CCDC60: variants seen among roughly 807,000 people sequenced by gnomAD.
The protein encoded by CCDC60 is coiled-coil domain containing 60, also known as coiled-coil domain-containing protein 60.
Under a neutral mutation model 63.5 loss-of-function variants are expected in CCDC60, and 54 were observed. The ratio of observed to expected loss-of-function variants is 0.85; its 90% CI spans 0.68 to 1.07. The LOEUF (loss-of-function observed/expected upper bound fraction) is 1.07. CCDC60 is among the 50% of genes least tolerant of loss of function. The probability of loss-of-function intolerance (pLI) is 0.00; values close to 1 mark genes in which losing one functional copy is unlikely to be tolerated. For missense variants in CCDC60, 651 were observed against 684.3 expected, an observed-to-expected ratio of 0.95 and a Z score of 0.54; for synonymous variants, 206 against 238.8, an observed-to-expected ratio of 0.86 and a Z score of 1.27.
chr12:119,412,163 C>T (rs1222843727), intron 1 of CCDC60, among the ~76,000 whole-genome samples: 1 of 152,142 alleles, frequency 6.6e-6, no homozygotes, highest in African/African-American at 2.4e-5. Context: ...CACACTAAAG[C>T]TCAGCCCAAG....
chr12:119,483,378 C>T (rs1052793119), intron 4 of CCDC60, among the ~76,000 whole-genome samples: 2 of 152,214 alleles, frequency 1.3e-5, no homozygotes, highest in African/African-American at 4.8e-5. Flanking sequence ...AATTCCAAAT[C>T]GACTGTGTAG....
chr12:119,413,696 C>T (rs1026196522), intron 1 of CCDC60, among the ~76,000 whole-genome samples: 2 of 152,090 alleles, frequency 1.3e-5, no homozygotes, highest in African/African-American at 4.8e-5. Flanking sequence ...TCGGGTCACG[C>T]AGGTGTGGTG....
chr12:119,479,674 G>A (rs1285207450), intron 4 of CCDC60: 2 of 152,964 alleles, frequency 1.3e-5, no homozygotes, highest in Admixed American at 6.5e-5. Context: ...AAGTCTTGAT[G>A]TCTTGTTCCC....
chr12:119,364,001 A>G (rs1357415652), intron 1 of CCDC60, among the ~76,000 whole-genome samples: 3 of 152,118 alleles, frequency 2.0e-5, no homozygotes, highest in South Asian at 4.1e-4. Flanking sequence ...TTTTGCTTCC[A>G]TGGCTCTCCA....
chr12:119,415,707 T>C (rs1956686886), intron 1 of CCDC60, among the ~76,000 whole-genome samples: 1 of 152,152 alleles, frequency 6.6e-6, no homozygotes, highest in African/African-American at 2.4e-5. Context: ...GGAAGCAAAG[T>C]CAACAACTTG....
rs1956800502 is a variant in CCDC60, at chr12:119,420,923, T to A, written c.91-7760T>A. Among the ~76,000 whole-genome samples, 1 of 152,108 alleles carries A rather than the reference T, an allele frequency of 6.6e-6. No homozygotes were observed. Among genetic ancestry groups the A allele is most frequent in the African/African-American group, 2.4e-5 (1 of 41,346 alleles). On this transcript the variant is annotated intron_variant, in intron 1 of 13. Coordinates refer to ENST00000327554, the MANE Select transcript of CCDC60 (RefSeq NM_178499.5). The surrounding 1 kb of genome is among the most constrained non-coding windows in gnomAD (Gnocchi z 4.1). Reference sequence around the variant, plus strand: ...CGTGTGCAAGCTAAGGTCTCCGGGTTCATGTGTGTACTCCTGCCATGATCC... The same window carrying A: ...CGTGTGCAAGCTAAGGTCTCCGGGTACATGTGTGTACTCCTGCCATGATCC...
rs767622645 is a variant in CCDC60, at chr12:119,506,725, A to G, written c.883+1422A>G. Among the ~76,000 whole-genome samples, 6 of 152,172 alleles carry G rather than the reference A, an allele frequency of 3.9e-5. 1 individual carries two copies. Among genetic ancestry groups the G allele is most frequent in the Non-Finnish European group, 8.8e-5 (6 of 68,032 alleles). On this transcript the variant is annotated intron_variant, in intron 7 of 13. Transcript: ENST00000327554. ...AAGAAAAAAATTCAAACACACACAT[A>G]TACACAATTTTGCACAATATTTTGA...
At chr12:119,438,760 G>C (rs1950375948) in intron 2 of CCDC60, among the ~76,000 whole-genome samples, 1 of 152,190 alleles carries the variant, frequency 6.6e-6, no homozygotes, top group Non-Finnish European at 1.5e-5. Context: ...CAGACAGAGA[G>C]ACTCAACCAG....
At chr12:119,454,406 T>C (rs938105766) in intron 2 of CCDC60, among the ~76,000 whole-genome samples, 1 of 152,120 alleles carries the variant, frequency 6.6e-6, no homozygotes, top group Non-Finnish European at 1.5e-5. Flanking sequence ...CCTGTTTCTC[T>C]CTAAGTGCCA....
chr12:119,487,054 C>T (rs1951462091), intron 4 of CCDC60, among the ~76,000 whole-genome samples: 1 of 152,076 alleles, frequency 6.6e-6, no homozygotes, highest in South Asian at 2.1e-4. Flanking sequence ...AGGAAAAAGG[C>T]AGGCAGCAGG....
chr12:119,338,208 G>T (rs1955494037), intron 1 of CCDC60, among the ~76,000 whole-genome samples: 1 of 152,110 alleles, frequency 6.6e-6, no homozygotes, highest in Admixed American at 6.5e-5. Flanking sequence ...TTATAGTAAA[G>T]CATTAATTAA....
chr12:119,469,996 C>T (rs1367331359), intron 2 of CCDC60, among the ~76,000 whole-genome samples: 1 of 152,222 alleles, frequency 6.6e-6, no homozygotes, highest in Non-Finnish European at 1.5e-5. Flanking sequence ...AATCCAGGCT[C>T]ACTTAAGAAC....
At chr12:119,501,603 T>A (rs1951854190) in intron 6 of CCDC60, among the ~76,000 whole-genome samples, 1 of 152,190 alleles carries the variant, frequency 6.6e-6, no homozygotes, top group South Asian at 2.1e-4. Flanking sequence ...TTCATCAGGG[T>A]GCTCCTAGAT....
chr12:119,397,247 T>C (rs943594007), intron 1 of CCDC60, among the ~76,000 whole-genome samples: 2 of 152,146 alleles, frequency 1.3e-5, no homozygotes, highest in Non-Finnish European at 2.9e-5. Flanking sequence ...AAAACAACAC[T>C]TCCATGATCT....
At chr12:119,437,180 C>T (rs140563804) in intron 2 of CCDC60, among the ~76,000 whole-genome samples, 3 of 152,224 alleles carry the variant, frequency 2.0e-5, no homozygotes, top group African/African-American at 4.8e-5. Flanking sequence ...TGGTTTGTGT[C>T]TTGGCTGGCA....
intron 1 of CCDC60, among the ~76,000 whole-genome samples, chr12:119,379,567 T>C (rs1955988106): frequency 6.6e-6 from 1 of 152,220 alleles, no homozygotes; most frequent in Admixed American, 6.5e-5. Context: ...CTAATAATCA[T>C]ATAATGCCTG....
intron 1 of CCDC60, among the ~76,000 whole-genome samples, chr12:119,386,362 C>T (rs576189662): frequency 2.6e-5 from 4 of 152,064 alleles, no homozygotes; most frequent in Non-Finnish European, 5.9e-5. Context: ...TAAGTGATAC[C>T]CTTAGAGAAG....
At chr12:119,346,774 C>CCCTT (rs1555230505) in intron 1 of CCDC60, among the ~76,000 whole-genome samples, 2 of 125,296 alleles carry the variant, frequency 1.6e-5, no homozygotes, top group Non-Finnish European at 3.3e-5. Context: ...ACTCATCTTT[C>CCCTT]TCTTTCTTTC....
chr12:119,480,627 CATCACCATCATT>C (rs1479790672), intron 4 of CCDC60, among the ~76,000 whole-genome samples: 7 of 151,096 alleles, frequency 4.6e-5, no homozygotes, highest in Non-Finnish European at 8.8e-5. Context: ...TCATCATCAC[CATCACCATCATT>C]ATCACCATCA....
Sources: gnomAD v4.1 joint callset for allele counts (sites outside exome capture counted in the v4.1 genomes callset) on GRCh38, gnomAD v4.1.1 for gene constraint, Gnocchi (gnomAD v3.1) non-coding constraint, MANE v1.5 for transcripts, NCBI Gene and HGNC (gene_info 2026-07-23, HGNC 2026-07-21) for gene names.